The following ERCC6 variants were observed in gnomAD, a reference collection of about 807,000 sequenced individuals.
ERCC6 encodes the protein ERCC excision repair 6, chromatin remodeling factor.
In ERCC6, 116 loss-of-function variants were observed where a neutral mutation model predicts 158.7. That is an observed-to-expected ratio of 0.73 (90% CI 0.63 to 0.85). The LOEUF (loss-of-function observed/expected upper bound fraction) is 0.85, where lower values mean the gene tolerates loss of function less well. Among genes scored for constraint, ERCC6 ranks in the 40% least tolerant of loss-of-function variants. The probability of loss-of-function intolerance (pLI) is 0.00; values close to 1 mark genes in which losing one functional copy is unlikely to be tolerated. For synonymous variants in ERCC6, 678 were observed against 659.3 expected (o/e 1.03, Z -0.43); for missense variants, 1,698 against 1,799.4 (o/e 0.94, Z 1.02).
chr10:49,459,083 A>C lies in ERCC6; in HGVS notation c.4214T>G (p.Leu1405Ter). The change falls in exon 21 of 21, where the codon TTA (leucine) becomes TGA (stop). Residue 1405 changes from leucine to a stop codon, truncating the protein, a stop_gained. Transcript: ENST00000355832. LOFTEE classifies it high-confidence loss of function. ...CTGCAGGTGCCCGCTTTCACTTTCT[A>C]AACGCTCTGGCAGAATCAGGTGGTT... ...ARNHLILPER[L>*]ESESGHLQEA... 6.2e-7 allele frequency: 1 copy of C among 1,614,180 alleles called. No homozygotes were observed. Among genetic ancestry groups the C allele is most frequent in the African/African-American group, 1.3e-5 (1 of 75,032 alleles).
chr10:49,532,818 A>G lies in ERCC6; in HGVS notation c.147T>C (p.Ser49=), dbSNP rs148624868. Residue 49 remains serine, a synonymous_variant, in exon 2 of 21, where the codon TCT becomes TCC. Transcript: ENST00000355832. ...GEVEEYLSFR[S]VGDGLSTSAV... is the part of the protein sequence containing the mutation. ...CAGAGGTGGACAGCCCGTCACCCAC[A>G]GAACGAAAGGAGAGGTACTCCTCCA... 69 of 1,614,220 alleles carry G rather than the reference A, an allele frequency of 4.3e-5. No homozygotes were observed. The highest frequency in any genetic ancestry group is 3.1e-4 in the East Asian group (14 of 44,872).
chr10:49,476,562 C>A (rs113475819), intron 11 of ERCC6, among the ~76,000 whole-genome samples: 1 of 152,114 alleles, frequency 6.6e-6, no homozygotes, highest in African/African-American at 2.4e-5. Context: ...TTCCTGCTCA[C>A]GGGCAAGTTC....
intron 4 of ERCC6, among the ~76,000 whole-genome samples, chr10:49,527,813 AAT>A (rs1191729924): frequency 6.6e-6 from 1 of 152,202 alleles, no homozygotes; most frequent in Non-Finnish European, 1.5e-5. Context: ...CTGTATTTCA[AAT>A]AGTCAATGCC....
intron 8 of ERCC6, among the ~76,000 whole-genome samples, chr10:49,487,760 T>A (rs1016672037): frequency 1.3e-5 from 2 of 152,178 alleles, no homozygotes; most frequent in Non-Finnish European, 2.9e-5. Flanking sequence ...ATCTGGAAAA[T>A]TCTAAATATT....
chr10:49,493,368 A>T, intron 7 of ERCC6, 116 bp from the exon 8 acceptor site: 1 of 1,255,044 alleles, frequency 8.0e-7, no homozygotes, highest in Admixed American at 2.1e-5. Flanking sequence ...AACAATGCTA[A>T]CTATGGAAAT....
At chr10:49,442,410 T>C in the ERCC6 span, among the ~76,000 whole-genome samples, 7 of 152,178 alleles carry the variant, frequency 4.6e-5, no homozygotes, top group African/African-American at 7.2e-5. Flanking sequence ...GTGGCCAATA[T>C]TGAGAAACAC....
chr10:49,482,323 A>G (rs1850993799), intron 10 of ERCC6, among the ~76,000 whole-genome samples: 1 of 152,184 alleles, frequency 6.6e-6, no homozygotes, highest in Non-Finnish European at 1.5e-5. Context: ...GCAGGACTAA[A>G]TTACATGCTG....
intron 4 of ERCC6, among the ~76,000 whole-genome samples, chr10:49,527,075 C>A (rs899689582): frequency 6.6e-6 from 1 of 152,184 alleles, no homozygotes; most frequent in African/African-American, 2.4e-5. Flanking sequence ...CCACAAGGAA[C>A]AGAAGTGTCA....
chr10:49,471,181 T>C (rs1288155000), intron 16 of ERCC6, 61 bp from the exon 17 acceptor site: 67 of 1,548,528 alleles, frequency 4.3e-5, no homozygotes, highest in Non-Finnish European at 5.3e-5. Flanking sequence ...AAAATTCAAG[T>C]TATAAAGCAA....
chr10:49,518,095 G>C (rs1182693285), intron 5 of ERCC6, among the ~76,000 whole-genome samples: 1 of 152,222 alleles, frequency 6.6e-6, no homozygotes, highest in Non-Finnish European at 1.5e-5. Context: ...GGATCCAACT[G>C]AAGGACAGAC....
At chr10:49,495,641 C>T (rs1048091659) in intron 7 of ERCC6, among the ~76,000 whole-genome samples, 5 of 152,164 alleles carry the variant, frequency 3.3e-5, no homozygotes, top group Non-Finnish European at 7.3e-5. Flanking sequence ...CCCCTGTCCC[C>T]GTGCTTCCAA....
chr10:49,493,200 G>C lies in ERCC6; in HGVS notation c.1738C>G (p.Gln580Glu). The change falls in exon 8 of 21, where the codon CAG becomes GAG. Residue 580 changes from glutamine (Q) to glutamate (E), a missense_variant. Physicochemically the swap from Gln to Glu is conservative, Grantham distance 29. Coordinates refer to ENST00000355832, the MANE Select transcript of ERCC6 (RefSeq NM_000124.4). ...VIVCPTTVMH[Q>E]WVKEFHTWWP... ...CACGTGTGAAATTCCTTCACCCACT[G>C]ATGCATCACTGTTGTTGGACAGACA... 1 of 1,614,068 alleles carries C rather than the reference G, an allele frequency of 6.2e-7. No homozygotes were observed. Among genetic ancestry groups the C allele is most frequent in the Non-Finnish European group, 8.5e-7 (1 of 1,179,986 alleles).
chr10:49,503,949 A>C (rs752919563), intron 6 of ERCC6: 1 of 152,150 alleles, frequency 6.6e-6, no homozygotes, highest in Non-Finnish European at 1.5e-5. Context: ...AAAAGATTGA[A>C]GTTTGTCATT....
chr10:49,533,689 G>A (rs569677046), intron 1 of ERCC6, among the ~76,000 whole-genome samples: 5 of 152,154 alleles, frequency 3.3e-5, no homozygotes, highest in African/African-American at 4.8e-5. Flanking sequence ...TATAGTCCCA[G>A]TTACTCAAGG....
At chr10:49,435,066 G>T in the ERCC6 span, among the ~76,000 whole-genome samples, 1 of 151,996 alleles carries the variant, frequency 6.6e-6, no homozygotes, top group African/African-American at 2.4e-5. Context: ...AAATAAACAA[G>T]ACAAAAAGCA....
intron 7 of ERCC6, among the ~76,000 whole-genome samples, chr10:49,493,900 T>G (rs988531273): frequency 1.3e-5 from 2 of 152,126 alleles, no homozygotes; most frequent in Admixed American, 6.5e-5. Flanking sequence ...TGTTCTCTCC[T>G]GGGAAGCCCA....
intron 11 of ERCC6, among the ~76,000 whole-genome samples, chr10:49,477,864 G>A (rs1448421501): frequency 6.6e-6 from 1 of 152,090 alleles, no homozygotes; most frequent in Non-Finnish European, 1.5e-5. Context: ...CCTTACAAAT[G>A]GCCCACTTCC....
At chr10:49,441,794 C>A in the ERCC6 span, among the ~76,000 whole-genome samples, 4 of 152,244 alleles carry the variant, frequency 2.6e-5, no homozygotes, top group Admixed American at 2.6e-4. Context: ...TTACACCGCG[C>A]TTTGTTTTGG....
intron 8 of ERCC6, among the ~76,000 whole-genome samples, chr10:49,488,658 TA>T (rs749684378): frequency 5.5e-4 from 81 of 147,158 alleles, no homozygotes; most frequent in Admixed American, 1.6e-3. Flanking sequence ...TTTTTTTTTT[TA>T]AAGTTTTTTA....
Sources: allele counts gnomAD v4.1 joint callset (sites outside exome capture counted in the v4.1 genomes callset), GRCh38; gene constraint gnomAD v4.1.1; transcripts MANE v1.5; gene names NCBI Gene and HGNC (gene_info 2026-07-23, HGNC 2026-07-21).